Variants in TSPAN4 observed in about 807,000 individuals in gnomAD.
TSPAN4 encodes tetraspanin-4.
TSPAN4 carries 38 observed loss-of-function variants against 31.5 expected under a neutral mutation model. The ratio of observed to expected loss-of-function variants is 1.21; its 90% CI spans 0.93 to 1.58. The LOEUF is 1.58. Among genes scored for constraint, TSPAN4 ranks in the 40% most tolerant of loss-of-function variants. TSPAN4 has a pLI of 0.00. For synonymous variants in TSPAN4, 186 were observed against 144.6 expected, an observed-to-expected ratio of 1.29 and a Z score of -2.06; for missense variants, 330 against 317.3, an observed-to-expected ratio of 1.04 and a Z score of -0.30.
rs1315481080 is a variant in TSPAN4, at chr11:862,655, C to T, written c.169C>T (p.Leu57Phe). 64 of 1,613,262 alleles carry T rather than the reference C, an allele frequency of 4.0e-5. No homozygotes were observed. Among genetic ancestry groups the T allele is most frequent in the Non-Finnish European group, 5.3e-5 (62 of 1,179,906 alleles). ...SFPSLSAANL[L>F]IITGAFVMAI... Reference sequence around the variant, plus strand: ...CCCGTCCCTGTCGGCTGCCAACTTGCTCATCATCACCGGCGCCTTTGTCAT... The same window carrying T: ...CCCGTCCCTGTCGGCTGCCAACTTGTTCATCATCACCGGCGCCTTTGTCAT... Residue 57 changes from leucine to phenylalanine, a missense_variant, in exon 4 of 9, where the codon CTC becomes TTC. Transcript: ENST00000397397.
At chr11:849,750 A>T (rs1256204915) in intron 2 of TSPAN4, 1 of 31,782 alleles carries the variant, frequency 3.1e-5, no homozygotes, top group Admixed American at 3.4e-4. Flanking sequence ...TGCGGCGAGG[A>T]GGGGAGGGGT....
intron 4 of TSPAN4, 37 bp from the exon 5 acceptor site, chr11:864,400 C>A: frequency 6.2e-7 from 1 of 1,608,820 alleles, no homozygotes; most frequent in Non-Finnish European, 8.5e-7. Context: ...GGCTGTGCGG[C>A]CTTTCGGGTC....
intron 1 of TSPAN4, chr11:844,644 G>A (rs1847192753): frequency 6.6e-6 from 1 of 151,974 alleles, no homozygotes; most frequent in African/African-American, 2.4e-5. Context: ...CCCGCCAGCA[G>A]GGGCGGGTGG....
chr11:858,981 TCA>T (rs1848241739), intron 3 of TSPAN4, among the ~76,000 whole-genome samples: 2 of 65,938 alleles, frequency 3.0e-5, no homozygotes, highest in South Asian at 1.2e-3. Context: ...GCACCCCGGC[TCA>T]CACGCACCCC....
At chr11:865,267 C>T (rs1848704853) in intron 5 of TSPAN4, 4 of 550,604 alleles carry the variant, frequency 7.3e-6, no homozygotes, top group Non-Finnish European at 1.3e-5. Context: ...GTGTCCCTGT[C>T]CTCTGTCCCC....
At chr11:861,711 CA>C (rs1363641453) in intron 3 of TSPAN4, among the ~76,000 whole-genome samples, 8 of 142,084 alleles carry the variant, frequency 5.6e-5, no homozygotes, top group East Asian at 4.1e-4. Context: ...GACTCGGTAT[CA>C]AAAAAAAAAC....
chr11:856,601 T>G (rs546997160), intron 3 of TSPAN4, among the ~76,000 whole-genome samples: 2 of 152,346 alleles, frequency 1.3e-5, no homozygotes, highest in South Asian at 4.1e-4. Context: ...CTATTCCTAT[T>G]TGTATTGAGC....
chr11:857,221 A>G (rs1848100267), intron 3 of TSPAN4: 1 of 152,190 alleles, frequency 6.6e-6, no homozygotes, highest in Non-Finnish European at 1.5e-5. Flanking sequence ...CTTCCTGCCC[A>G]GCCCCCATGG....
At chr11:845,387 C>T (rs1357892947) in intron 1 of TSPAN4, among the ~76,000 whole-genome samples, 5 of 152,194 alleles carry the variant, frequency 3.3e-5, no homozygotes, top group East Asian at 1.9e-4. Context: ...TAGATGGGGC[C>T]GGGTCCTCTC....
At position 866,816 on chromosome 11, in the gene TSPAN4, C is replaced by T; in HGVS notation, c.*186C>T. The T allele has an allele frequency of 1.6e-6, 1 of 608,096 alleles. No individual in the cohort carries two copies. Among genetic ancestry groups the T allele is most frequent in the South Asian group, 2.2e-5 (1 of 44,674 alleles). 37.7% of individuals were successfully genotyped at this position (608,096 alleles called of 1,614,324 possible). ...CCTAGCTCAGGTGGCTTCAGGGCCT[C>T]CGGACCCCCCCTGGGAGGGGTGGCC... On this transcript the variant is annotated 3_prime_UTR_variant, in exon 9 of 9. Transcript: ENST00000397397.
chr11:866,010 T>TG lies in TSPAN4; in HGVS notation c.648+14dup. The TG allele has an allele frequency of 2.5e-6, 4 of 1,611,296 alleles. No individual in the cohort carries two copies. Among genetic ancestry groups the TG allele is most frequent in the Non-Finnish European group, 3.4e-6 (4 of 1,179,668 alleles). On this transcript the variant is annotated intron_variant, in intron 8 of 8. Coordinates refer to ENST00000397397, the MANE Select transcript of TSPAN4 (RefSeq NM_003271.5). ...GCACGGCGCTGGTGCAGGTATGGCC[T>TG]GGGGGCCTGCGGGCTCCCTGCCCCC... is the stretch of plus-strand genomic sequence containing the variant.
At position 866,722 on chromosome 11, in the gene TSPAN4, TG is replaced by T; in HGVS notation, c.*93del. The T allele has an allele frequency of 7.9e-7, 1 of 1,259,056 alleles. No individual in the cohort carries two copies. Among genetic ancestry groups the T allele is most frequent in the Non-Finnish European group, 1.1e-6 (1 of 917,226 alleles). 78.0% of individuals were successfully genotyped at this position (1,259,056 alleles called of 1,614,324 possible). On this transcript the variant is annotated 3_prime_UTR_variant, in exon 9 of 9. Coordinates refer to ENST00000397397, the MANE Select transcript of TSPAN4 (RefSeq NM_003271.5). ...TTTCCCACCACCAGCCTCGGTGCTC[TG>T]CCCCATGCTGGGAGGAGGGAGGGAG...
At chr11:857,914 T>A (rs1487634555) in intron 3 of TSPAN4, 1 of 152,294 alleles carries the variant, frequency 6.6e-6, no homozygotes, top group African/African-American at 2.4e-5. Context: ...CACCTGGTGA[T>A]CTGGACCCAG....
At chr11:851,046 TC>T (rs1847670794) in intron 3 of TSPAN4, among the ~76,000 whole-genome samples, 1 of 152,218 alleles carries the variant, frequency 6.6e-6, no homozygotes, top group African/African-American at 2.4e-5. Flanking sequence ...TGCAGTGGTG[TC>T]CGGGGGGGCC....
chr11:864,181 A>AG (rs1848634352), intron 4 of TSPAN4: 1 of 565,926 alleles, frequency 1.8e-6, no homozygotes, highest in Non-Finnish European at 3.2e-6. Flanking sequence ...GGATGGGGGC[A>AG]GGGGAGGGGA....
chr11:854,494 C>A (rs1036373351), intron 3 of TSPAN4, among the ~76,000 whole-genome samples: 6 of 82,454 alleles, frequency 7.3e-5, no homozygotes, highest in Non-Finnish European at 2.0e-4. Flanking sequence ...AGTTCCCCAC[C>A]ACCTGCGCTG....
chr11:866,147 G>A, intron 8 of TSPAN4, 146 bp downstream of exon 8: 5 of 828,204 alleles, frequency 6.0e-6, no homozygotes, highest in Non-Finnish European at 9.5e-6. Flanking sequence ...TCAGGGGGAT[G>A]GGCAGGGACG....
At chr11:852,743 C>T (rs555296018) in intron 3 of TSPAN4, among the ~76,000 whole-genome samples, 35 of 152,356 alleles carry the variant, frequency 2.3e-4, no homozygotes, top group African/African-American at 7.2e-4. Flanking sequence ...GGGCTTTTGC[C>T]GCCCACTCCA....
intron 1 of TSPAN4, among the ~76,000 whole-genome samples, chr11:845,264 A>T (rs1419375766): frequency 6.6e-6 from 1 of 152,168 alleles, no homozygotes; most frequent in Non-Finnish European, 1.5e-5. Context: ...CCACGAGCAC[A>T]CGTGCCCGAC....
Sources: gnomAD v4.1 joint callset for allele counts (sites outside exome capture counted in the v4.1 genomes callset) on GRCh38, gnomAD v4.1.1 for gene constraint, MANE v1.5 for transcripts, NCBI Gene and HGNC (gene_info 2026-07-23, HGNC 2026-07-21) for gene names.